The following WDR64 variants were observed in gnomAD, a reference collection of about 807,000 sequenced individuals.
WDR64 encodes WD repeat domain 64.
A neutral mutation model predicts 139.3 loss-of-function variants in WDR64; 112 were observed. The observed-to-expected ratio is 0.80, with a 90% CI of 0.69 to 0.94. WDR64 has a LOEUF of 0.94. Among genes scored for constraint, WDR64 ranks in the 40% least tolerant of loss-of-function variants. The pLI, the probability that WDR64 is intolerant of heterozygous loss-of-function variation, is 0.00. For synonymous variants in WDR64, 444 were observed against 437.7 expected (o/e 1.01, Z -0.18); for missense variants, 1,206 against 1,293.1 (o/e 0.93, Z 1.03).
intron 10 of WDR64, among the ~76,000 whole-genome samples, chr1:241,734,131 G>C (rs1264916925): frequency 6.6e-6 from 1 of 152,094 alleles, no homozygotes; most frequent in Admixed American, 6.6e-5. Flanking sequence ...CCCAGGAAAG[G>C]CTCATCAGAA....
chr1:241,719,000 T>C (rs893830864), intron 9 of WDR64, among the ~76,000 whole-genome samples: 3 of 152,130 alleles, frequency 2.0e-5, no homozygotes, highest in African/African-American at 7.2e-5. Context: ...GGCTTCAATA[T>C]ATAAATTTGG....
At chr1:241,768,776 G>C (rs947029276) in intron 16 of WDR64, among the ~76,000 whole-genome samples, 1 of 152,148 alleles carries the variant, frequency 6.6e-6, no homozygotes, top group Non-Finnish European at 1.5e-5. Context: ...CTATTCCCCT[G>C]TTCCTAGGAT....
intron 15 of WDR64, among the ~76,000 whole-genome samples, chr1:241,765,067 G>A (rs535856109): frequency 2.6e-4 from 39 of 151,428 alleles, no homozygotes; most frequent in African/African-American, 9.4e-4. Context: ...CCCACCTGTG[G>A]TCCCAGCTAC....
intron 24 of WDR64, among the ~76,000 whole-genome samples, chr1:241,788,846 A>G (rs1186073448): frequency 2.0e-5 from 3 of 152,188 alleles, no homozygotes; most frequent in Admixed American, 2.0e-4. Context: ...CTGAGATGGA[A>G]GAGGTGGTGT....
intron 10 of WDR64, among the ~76,000 whole-genome samples, chr1:241,731,803 T>C (rs1669091816): frequency 6.6e-6 from 1 of 152,178 alleles, no homozygotes; most frequent in Admixed American, 6.5e-5. Context: ...GATGATAAAA[T>C]TAATAGGTTT....
chr1:241,729,665 T>TA (rs1390776784), intron 10 of WDR64, among the ~76,000 whole-genome samples: 1 of 152,198 alleles, frequency 6.6e-6, no homozygotes, highest in Non-Finnish European at 1.5e-5. Context: ...TTCACTAAGA[T>TA]AAAAATTGAG....
chr1:241,791,258 C>G (rs1659207437), intron 25 of WDR64, among the ~76,000 whole-genome samples: 2 of 152,268 alleles, frequency 1.3e-5, no homozygotes, highest in South Asian at 4.1e-4. Context: ...TGCACTCCAG[C>G]CTTGGCAACA....
intron 15 of WDR64, 72 bp from the exon 16 acceptor site, chr1:241,766,146 G>A: frequency 1.4e-6 from 2 of 1,468,798 alleles, no homozygotes; most frequent in Non-Finnish European, 1.8e-6. Flanking sequence ...CAATTACAAA[G>A]TGTACACATG....
intron 7 of WDR64, among the ~76,000 whole-genome samples, 169 bp from the exon 8 acceptor site, chr1:241,687,292 C>A (rs1218671563): frequency 7.5e-6 from 1 of 134,072 alleles, no homozygotes; most frequent in African/African-American, 2.8e-5. Context: ...GGCGAGAGAG[C>A]AAGACTCCAT....
intron 3 of WDR64, among the ~76,000 whole-genome samples, chr1:241,671,448 A>G (rs1434670437): frequency 1.3e-5 from 2 of 152,220 alleles, no homozygotes; most frequent in Non-Finnish European, 2.9e-5. Context: ...TCAGACTTCC[A>G]GTTAAACCTC....
chr1:241,677,963 G>A (rs1055462479), intron 4 of WDR64, among the ~76,000 whole-genome samples: 1 of 152,190 alleles, frequency 6.6e-6, no homozygotes, highest in Non-Finnish European at 1.5e-5. Context: ...ACAGTCACCA[G>A]GTTTAACAAT....
chr1:241,735,855 C>CTCTGTG (rs1248435698), intron 10 of WDR64, among the ~76,000 whole-genome samples: 9 of 71,718 alleles, frequency 1.3e-4, no homozygotes, highest in South Asian at 4.9e-4. Context: ...CTCTCTCTCT[C>CTCTGTG]TGTGTGTGTG....
chr1:241,769,591 T>C (rs759309794), intron 17 of WDR64, 86 bp downstream of exon 17: 278 of 1,216,960 alleles, frequency 2.3e-4, no homozygotes, highest in Non-Finnish European at 3.1e-4. Flanking sequence ...ATTGTGGTTT[T>C]TGCCATTGAA....
At chr1:241,728,403 A>ATTATTAT (rs71174838) in intron 10 of WDR64, among the ~76,000 whole-genome samples, 36,759 of 148,860 alleles carry the variant, frequency 0.25, 4,628 homozygotes, top group East Asian at 0.28. Context: ...TTGAAGCTAT[A>ATTATTAT]TTATTATTTA....
intron 10 of WDR64, among the ~76,000 whole-genome samples, chr1:241,729,240 T>A (rs1668980023): frequency 6.6e-6 from 1 of 152,150 alleles, no homozygotes; most frequent in African/African-American, 2.4e-5. Context: ...GTCATGGCCT[T>A]AGTTCAGACC....
intron 3 of WDR64, 150 bp from the exon 4 acceptor site, chr1:241,674,494 A>G (rs964094218): frequency 7.6e-6 from 4 of 526,860 alleles, no homozygotes; most frequent in Non-Finnish European, 1.0e-5. Flanking sequence ...GACTTGAGCA[A>G]TCCACCTTCC....
intron 14 of WDR64, among the ~76,000 whole-genome samples, chr1:241,752,716 T>C (rs1670024564): frequency 2.0e-5 from 3 of 152,228 alleles, no homozygotes; most frequent in South Asian, 4.1e-4. Flanking sequence ...CCAGGCATGG[T>C]GTCACACACC....
At chr1:241,738,531 A>G (rs1481591430) in intron 11 of WDR64, 42 bp downstream of exon 11, 1 of 1,567,730 alleles carries the variant, frequency 6.4e-7, no homozygotes, top group Non-Finnish European at 8.6e-7. Context: ...TCATGTCTTG[A>G]TTTTTAACCT....
At chr1:241,782,715 CATG>C (rs1658896780) in intron 22 of WDR64, among the ~76,000 whole-genome samples, 1 of 152,146 alleles carries the variant, frequency 6.6e-6, no homozygotes, top group African/African-American at 2.4e-5. Flanking sequence ...ACAGATGATT[CATG>C]ATGTTTTTGA....
Sources: allele counts gnomAD v4.1 joint callset (sites outside exome capture counted in the v4.1 genomes callset), GRCh38; gene constraint gnomAD v4.1.1; transcripts MANE v1.5; gene names NCBI Gene and HGNC (gene_info 2026-07-23, HGNC 2026-07-21).